DAPK2: variants seen among roughly 807,000 people sequenced by gnomAD.
DAPK2 encodes death-associated protein kinase 2.
In DAPK2, 35 loss-of-function variants were observed where a neutral mutation model predicts 44.1. The observed-to-expected ratio is 0.79, with a 90% CI of 0.61 to 1.05. DAPK2 has a LOEUF of 1.05. Among genes scored for constraint, DAPK2 ranks in the 50% least tolerant of loss-of-function variants. The pLI is 0.00. For synonymous variants in DAPK2, 174 were observed against 182.6 expected (o/e 0.95, Z 0.38); for missense variants, 453 against 483.2 (o/e 0.94, Z 0.59).
At position 63,970,602 on chromosome 15, in the gene DAPK2, G is replaced by T. The variant is rs1385583823; in HGVS notation, c.453+821C>A. Among the ~76,000 whole-genome samples, 17 of 152,120 alleles carry T rather than the reference G, an allele frequency of 1.1e-4. No homozygotes were observed. In the East Asian group the frequency reaches 2.3e-3, roughly 21 times the overall value. On this transcript the variant is annotated intron_variant, in intron 3 of 10. Coordinates refer to ENST00000261891, the Ensembl canonical transcript of DAPK2. ...CTCAGACAGGGCCTCAGTGAATTTT[G>T]TATCAGCAGCAATACCCAAGCACCC...
At chr15:64,026,373 A>C (rs1197319556) in intron 1 of DAPK2, among the ~76,000 whole-genome samples, 1 of 152,018 alleles carries the variant, frequency 6.6e-6, no homozygotes. Flanking sequence ...CCCCCCAGGT[A>C]GCTAGGACTA....
Position 63,912,068 on chromosome 15 carries a change from G to GCCCCCCCCCAGTCCCCCCCCC in DAPK2, c.948+39_948+40insGGGGGGGGGACTGGGGGGGGG. The GCCCCCCCCCAGTCCCCCCCCC allele has an allele frequency of 7.6e-7, 1 of 1,312,408 alleles. No homozygotes were observed. Among genetic ancestry groups the GCCCCCCCCCAGTCCCCCCCCC allele is most frequent in the East Asian group, 2.5e-5 (1 of 40,148 alleles). The allele number at this position is 1,312,408 out of a possible 1,614,324, so 81.3% of individuals were successfully genotyped here. A position where few individuals can be genotyped will look rare whatever the true frequency, so the allele number is the denominator to read the frequency against. ...CTGGAGAGCCAGAAACCCCGCCCTAGCCCCCACCCTGTCCCCCGCCGCCCC... is the reference window on the plus strand; with the variant it reads ...CTGGAGAGCCAGAAACCCCGCCCTAGCCCCCCCCCAGTCCCCCCCCCCCCCCACCCTGTCCCCCGCCGCCCC... On this transcript the variant is annotated intron_variant, in intron 9 of 10. Coordinates refer to ENST00000261891, the Ensembl canonical transcript of DAPK2. The surrounding 1 kb of genome is among the most constrained non-coding windows in gnomAD (Gnocchi z 4.4).
intron 8 of DAPK2, chr15:63,919,116 G>C (rs1232277511): frequency 6.6e-6 from 1 of 152,208 alleles, no homozygotes; most frequent in Non-Finnish European, 1.5e-5. Flanking sequence ...TGGAAGGACG[G>C]GACTTCAGCT....
upstream of DAPK2, among the ~76,000 whole-genome samples, chr15:64,045,084 C>A (rs540724215): frequency 2.0e-5 from 3 of 152,302 alleles, no homozygotes; most frequent in East Asian, 5.8e-4. Context: ...ATCCAGCTCC[C>A]TTGGGAAGCC....
chr15:63,968,802 C>T (rs1004139020), intron 3 of DAPK2, among the ~76,000 whole-genome samples: 1 of 152,348 alleles, frequency 6.6e-6, no homozygotes, highest in Non-Finnish European at 1.5e-5. Flanking sequence ...GCCATAAAGG[C>T]AAGCCAAACA....
At chr15:63,946,318 G>A (rs1055165477) in intron 3 of DAPK2, among the ~76,000 whole-genome samples, 1 of 152,262 alleles carries the variant, frequency 6.6e-6, no homozygotes, top group Admixed American at 6.5e-5. Context: ...AGTCTGAGCA[G>A]GATGAAGACA....
chr15:63,943,181 T>G (rs2077361148), intron 3 of DAPK2, among the ~76,000 whole-genome samples: 1 of 150,466 alleles, frequency 6.6e-6, no homozygotes, highest in Non-Finnish European at 1.5e-5. Flanking sequence ...CCCAGAACTT[T>G]GGGTGGCAGA....
chr15:63,921,425 T>G (rs946712757), intron 8 of DAPK2: 3 of 152,234 alleles, frequency 2.0e-5, no homozygotes, highest in Non-Finnish European at 4.4e-5. Flanking sequence ...AGGGATGTTT[T>G]GTGAGGCCAT....
intron 2 of DAPK2, among the ~76,000 whole-genome samples, chr15:63,981,054 C>T (rs962174801): frequency 1.0e-4 from 15 of 148,142 alleles, no homozygotes; most frequent in African/African-American, 3.2e-4. Context: ...CGCGTCATTG[C>T]ACTCTAGCCT....
chr15:64,040,078 G>T, intron 1 of DAPK2, 92 bp downstream of exon 2: 2 of 977,926 alleles, frequency 2.0e-6, no homozygotes, highest in Non-Finnish European at 3.3e-6. Flanking sequence ...TGGTCCTGTG[G>T]CCCTGCCTTC....
At position 63,929,211 on chromosome 15, in the gene DAPK2, A is replaced by C. The variant is rs562176371; in HGVS notation, c.659+340T>G. On this transcript the variant is annotated intron_variant, in intron 6 of 10. Transcript: ENST00000261891. ...AAGACTCTGTCTCAAAAAAAAAAAA[A>C]AAAGAGTTCTGAGTGAAAAGTGACA... is the stretch of plus-strand genomic sequence containing the variant. Among the ~76,000 whole-genome samples the C allele has an allele frequency of 7.9e-5, 12 of 152,176 alleles. No homozygotes were observed. In the East Asian group the frequency reaches 9.7e-4, roughly 12 times the overall value.
intron 1 of DAPK2, among the ~76,000 whole-genome samples, chr15:64,002,949 T>C (rs1187925775): frequency 3.0e-5 from 4 of 133,206 alleles, no homozygotes; most frequent in Non-Finnish European, 6.5e-5. Flanking sequence ...TGTGTGTGTG[T>C]GTGTGTGTGT....
intron 1 of DAPK2, among the ~76,000 whole-genome samples, chr15:63,989,463 G>A (rs547034926): frequency 6.6e-6 from 1 of 152,306 alleles, no homozygotes; most frequent in African/African-American, 2.4e-5. Flanking sequence ...CTAGGACACA[G>A]ATCCACGTCA....
rs962866217 is a variant in DAPK2 at position 63,985,458 on chromosome 15, G to T, written c.93-1704C>A. ...AACACTTGACCGAGCTTCCAGGCCC[G>T]GGTGGCTCTGAGTCTCAGTGTCAAG... On this transcript the variant is annotated intron_variant, in intron 1 of 10. Transcript: ENST00000261891. Among the ~76,000 whole-genome samples the T allele has an allele frequency of 9.2e-5, 14 of 152,252 alleles. No individual in the cohort carries two copies. In the East Asian group the frequency reaches 1.9e-3, roughly 21 times the overall value.
rs912980182 is a variant in DAPK2 at position 63,923,111 on chromosome 15, A to T, written c.858+1705T>A. 9 of 1,535,604 alleles carry T rather than the reference A, an allele frequency of 5.9e-6. No individual in the cohort carries two copies. The African/African-American group carries it at 1.1e-4, about 19-fold the overall frequency. ...AGCTTCCTTCTCATTGAAGATGGAG[A>T]CCAGGGCCTCCACATCGTCCTGGAT... On this transcript the variant is annotated intron_variant, in intron 8 of 10. Coordinates refer to ENST00000261891, the Ensembl canonical transcript of DAPK2. The surrounding 1 kb of genome is among the most constrained non-coding windows in gnomAD (Gnocchi z 4.2).
At chr15:63,982,278 C>T (rs775761068) in intron 2 of DAPK2, among the ~76,000 whole-genome samples, 1 of 151,216 alleles carries the variant, frequency 6.6e-6, no homozygotes, top group Non-Finnish European at 1.5e-5. Context: ...GCAACCTCCG[C>T]CTCCCGGGTT....
intron 1 of DAPK2, among the ~76,000 whole-genome samples, chr15:64,000,891 T>C (rs1408051059): frequency 1.3e-5 from 2 of 152,126 alleles, no homozygotes; most frequent in African/African-American, 4.8e-5. Context: ...AACACTTTTT[T>C]TTTTTGAGAT....
chr15:63,932,441 G>A lies in DAPK2; in HGVS notation c.584-1986C>T, dbSNP rs183861644. 6.3e-5 allele frequency: 8 copies of A among 127,084 alleles called. No individual in the cohort carries two copies. In the Admixed American group the frequency reaches 7.3e-4, roughly 12 times the overall value. 7.9% of individuals were successfully genotyped at this position (127,084 alleles called of 1,614,324 possible). On this transcript the variant is annotated intron_variant, in intron 4 of 10. Coordinates refer to ENST00000261891, the Ensembl canonical transcript of DAPK2. ...AAATTGTGCCATCGCACTCCAGCCT[G>A]GGCAACAAGAACAAAACTCCGTCTC...
At chr15:64,036,931 G>A (rs1287565614) in intron 1 of DAPK2, among the ~76,000 whole-genome samples, 1 of 152,170 alleles carries the variant, frequency 6.6e-6, no homozygotes, top group African/African-American at 2.4e-5. Context: ...TTGAAGGCCA[G>A]AAGCTCTTGA....
Sources: allele counts gnomAD v4.1 joint callset (sites outside exome capture counted in the v4.1 genomes callset), GRCh38; gene constraint gnomAD v4.1.1; non-coding constraint Gnocchi (gnomAD v3.1); transcripts MANE v1.5; gene names NCBI Gene and HGNC (gene_info 2026-07-23, HGNC 2026-07-21).